Variants in ARHGEF4 observed in about 807,000 individuals in gnomAD.
ARHGEF4 encodes the protein APC-stimulated guanine nucleotide exchange factor 1.
In ARHGEF4, 119 loss-of-function variants were observed where a neutral mutation model predicts 162.0. The observed-to-expected ratio is 0.73, with a 90% CI of 0.63 to 0.86. The LOEUF is 0.86. Among genes scored for constraint, ARHGEF4 ranks in the 40% least tolerant of loss-of-function variants. ARHGEF4 has a pLI of 0.00. For synonymous variants in ARHGEF4, 1,014 were observed against 979.9 expected (o/e 1.03, Z -0.65); for missense variants, 2,488 against 2,456.0 (o/e 1.01, Z -0.28).
At chr2:130,946,878 G>A (rs971380891) in intron 4 of ARHGEF4, 34 of 386,982 alleles carry the variant, frequency 8.8e-5, no homozygotes, top group South Asian at 2.2e-4. Flanking sequence ...TGAAGCAGGC[G>A]GATCACTTGA....
Position 130,870,853 on chromosome 2 carries a change from C to T in ARHGEF4, c.39+33861C>T, listed in dbSNP as rs777749665. Among the ~76,000 whole-genome samples, 101 of 152,186 alleles carry T rather than the reference C, an allele frequency of 6.6e-4. 1 individual carries two copies. Among genetic ancestry groups the T allele is most frequent in the Non-Finnish European group, 4.1e-4 (28 of 67,990 alleles). On this transcript the variant is annotated intron_variant, in intron 1 of 13. Coordinates refer to ENST00000409359, the MANE Select transcript of ARHGEF4 (RefSeq NM_001367493.1). ...GCTTCCCAGGGGAGCTCGAAGCTGGCTGACTCTTGGCTAGGTGCAGGGTAG... is the reference window on the plus strand; with the variant it reads ...GCTTCCCAGGGGAGCTCGAAGCTGGTTGACTCTTGGCTAGGTGCAGGGTAG...
At chr2:131,005,860 T>G (rs1573590839) in intron 4 of ARHGEF4, among the ~76,000 whole-genome samples, 1 of 152,166 alleles carries the variant, frequency 6.6e-6, no homozygotes, top group South Asian at 2.1e-4. Context: ...CTCTGCCCAC[T>G]GGTTAGCCAG....
At chr2:130,869,571 G>A (rs143495474) in intron 1 of ARHGEF4, among the ~76,000 whole-genome samples, 4 of 152,338 alleles carry the variant, frequency 2.6e-5, no homozygotes, top group Non-Finnish European at 5.9e-5. Context: ...GTGATGGCAC[G>A]AGATGACTCA....
intron 4 of ARHGEF4, among the ~76,000 whole-genome samples, chr2:130,998,372 T>C (rs570527141): frequency 2.0e-5 from 3 of 152,336 alleles, no homozygotes; most frequent in Non-Finnish European, 2.9e-5. Context: ...TTTGTGTGTT[T>C]ATATCCTATG....
chr2:130,917,286 G>A lies in ARHGEF4; in HGVS notation c.3340G>A (p.Ala1114Thr). The A allele has an allele frequency of 9.7e-6, 15 of 1,550,524 alleles. No homozygotes were observed. Among genetic ancestry groups the A allele is most frequent in the Non-Finnish European group, 1.2e-5 (14 of 1,146,980 alleles). The change falls in exon 2 of 14, where the codon GCC becomes ACC. Residue 1114 changes from alanine (A) to threonine (T), a missense_variant. Around this residue, in one of 6 missense-constraint regions of ARHGEF4, gnomAD observed 1,642 missense variants for 1,481.5 expected, o/e 1.11. Transcript: ENST00000409359. ...TCTCCACTACCCCGGGAGGGGTAGC[G>A]CCATCTCCATGGTTTCTCTTGGAAG... is the stretch of plus-strand genomic sequence containing the variant. Reference protein sequence around the residue: ...MGLHYPGRGSAISMVSLGSYS... With the variant: ...MGLHYPGRGSTISMVSLGSYS...
rs1056537658 is a variant in ARHGEF4, at chr2:131,046,457, G to A, written c.*268G>A. On this transcript the variant is annotated 3_prime_UTR_variant, in exon 14 of 14. Transcript: ENST00000409359. ...TGGGCCCCATCCGCCCTCTGGACCTGTGTAGGGCCTCACTGCTGGAGCGGG... is the reference window on the plus strand; with the variant it reads ...TGGGCCCCATCCGCCCTCTGGACCTATGTAGGGCCTCACTGCTGGAGCGGG... 6 of 442,828 alleles carry A rather than the reference G, an allele frequency of 1.4e-5. No homozygotes were observed. Among genetic ancestry groups the A allele is most frequent in the East Asian group, 3.8e-5 (1 of 26,272 alleles). 27.4% of individuals were successfully genotyped at this position (442,828 alleles called of 1,614,324 possible).
At chr2:130,879,978 T>TTC (rs1679091564) in intron 1 of ARHGEF4, among the ~76,000 whole-genome samples, 1 of 152,190 alleles carries the variant, frequency 6.6e-6, no homozygotes, top group Non-Finnish European at 1.5e-5. Context: ...ATACCACGTT[T>TTC]TCTCTCTTTG....
intron 4 of ARHGEF4, among the ~76,000 whole-genome samples, chr2:130,954,154 A>G (rs1171957718): frequency 1.3e-5 from 2 of 152,264 alleles, no homozygotes; most frequent in Non-Finnish European, 2.9e-5. Flanking sequence ...GAACCGACCC[A>G]AATGTCTGTC....
chr2:131,001,664 T>G (rs1385813019), intron 4 of ARHGEF4, among the ~76,000 whole-genome samples: 1 of 152,126 alleles, frequency 6.6e-6, no homozygotes, highest in African/African-American at 2.4e-5. Flanking sequence ...AGATAAACTC[T>G]TCCATGTATG....
intron 4 of ARHGEF4, among the ~76,000 whole-genome samples, chr2:130,960,768 C>T (rs1345796280): frequency 1.3e-5 from 2 of 152,036 alleles, no homozygotes; most frequent in African/African-American, 4.8e-5. Flanking sequence ...CCCAGAGATC[C>T]CCAGCACCTT....
In ARHGEF4 at chr2:131,039,031, G is replaced by A. The variant is rs1016828829; in HGVS notation, c.4304G>A (p.Arg1435Gln). The change falls in exon 6 of 14, where the codon CGG (arginine) becomes CAG (glutamine). Residue 1435 changes from arginine to glutamine, a missense_variant and splice_region_variant. Transcript: ENST00000409359. Reference protein sequence around the residue: ...GEGWFPASFVRLRVNQDEPAD... With the variant: ...GEGWFPASFVQLRVNQDEPAD... Reference sequence around the variant, plus strand: ...GGCTGGTTTCCAGCCAGCTTCGTTCGGGTATGGTTCCAAGCCCCAGCTTCT... The same window carrying A: ...GGCTGGTTTCCAGCCAGCTTCGTTCAGGTATGGTTCCAAGCCCCAGCTTCT... 2.5e-6 allele frequency: 4 copies of A among 1,610,026 alleles called. No homozygotes were observed. The highest frequency in any genetic ancestry group is 2.7e-5 in the African/African-American group (2 of 74,872).
chr2:131,041,941 G>C lies in ARHGEF4; in HGVS notation c.5022G>C (p.Trp1674Cys). The change falls in exon 10 of 14, where the codon TGG becomes TGC. Residue 1674 changes from tryptophan (W) to cysteine (C), a missense_variant. This residue lies in a region of ARHGEF4 where 415 missense variants were observed against 512.4 expected (regional missense o/e 0.81). Coordinates refer to ENST00000409359, the MANE Select transcript of ARHGEF4 (RefSeq NM_001367493.1). ...AGTGGCAGAGCTCCATAGAGGACTG[G>C]GAGGTGAGGGCCTGGGGGCACAGAA... is the stretch of plus-strand genomic sequence containing the variant. ...IAQWQSSIED[W>C]EGEDLLVRSS... is the part of the protein sequence containing the mutation. 6.2e-7 allele frequency: 1 copy of C among 1,613,072 alleles called. No homozygotes were observed. The highest frequency in any genetic ancestry group is 8.5e-7 in the Non-Finnish European group (1 of 1,179,780).
Position 130,916,877 on chromosome 2 carries a change from A to C in ARHGEF4, c.2931A>C (p.Glu977Asp). Residue 977 changes from glutamate (E) to aspartate (D), a missense_variant, in exon 2 of 14, where the codon GAA (glutamate) becomes GAC (aspartate). Glu to Asp is a conservative substitution (Grantham distance 45). This residue lies in a region of ARHGEF4 where 1,642 missense variants were observed against 1,481.5 expected (regional missense o/e 1.11). Transcript: ENST00000409359. ...PTLVSLPLGP[E>D]VLSPAETDSH... ...TAGTGAGTCTGCCTCTAGGACCCGAAGTTCTCTCCCCAGCAGAGACCGACA... is the reference window on the plus strand; with the variant it reads ...TAGTGAGTCTGCCTCTAGGACCCGACGTTCTCTCCCCAGCAGAGACCGACA... 1 of 1,550,428 alleles carries C rather than the reference A, an allele frequency of 6.4e-7. No homozygotes were observed. The highest frequency in any genetic ancestry group is 8.7e-7 in the Non-Finnish European group (1 of 1,146,958).
At chr2:130,852,191 C>T (rs1018908298) in intron 1 of ARHGEF4, among the ~76,000 whole-genome samples, 22 of 152,186 alleles carry the variant, frequency 1.4e-4, no homozygotes, top group Non-Finnish European at 4.4e-5. Context: ...TCCCTTCTGA[C>T]GAGCTCATGG....
At chr2:130,923,836 A>T (rs1040492584) in intron 2 of ARHGEF4, among the ~76,000 whole-genome samples, 1 of 151,622 alleles carries the variant, frequency 6.6e-6, no homozygotes, top group South Asian at 2.1e-4. Context: ...TGCCATCGCC[A>T]TTGGTGCCTG....
chr2:130,915,370 G>C lies in ARHGEF4; in HGVS notation c.1424G>C (p.Gly475Ala). ...SPESRTQEPQGTQLAPRAADE... is the reference protein window; with the variant it reads ...SPESRTQEPQATQLAPRAADE... Reference sequence around the variant, plus strand: ...GAAAGCAGAACCCAGGAACCCCAAGGCACCCAACTCGCACCAAGAGCTGCT... The same window carrying C: ...GAAAGCAGAACCCAGGAACCCCAAGCCACCCAACTCGCACCAAGAGCTGCT... Residue 475 changes from glycine to alanine, a missense_variant, in exon 2 of 14, where the codon GGC (glycine) becomes GCC (alanine). Physicochemically the swap from Gly to Ala is moderately conservative, Grantham distance 60. Around this residue, in one of 6 missense-constraint regions of ARHGEF4, gnomAD observed 1,642 missense variants for 1,481.5 expected, o/e 1.11. Transcript: ENST00000409359. 6.4e-7 allele frequency: 1 copy of C among 1,550,604 alleles called. No homozygotes were observed.
chr2:130,936,905 C>CTTTTTTTTTTTTTTTTTTTTTTTTTTT (rs36086542), intron 3 of ARHGEF4, among the ~76,000 whole-genome samples: 8 of 82,328 alleles, frequency 9.7e-5, no homozygotes, highest in African/African-American at 1.4e-4. Flanking sequence ...TTTCTTTTTT[C>CTTTTTTTTTTTTTTTTTTTTTTTTTTT]TTTTTTTTTT....
At chr2:130,901,523 C>CTT (rs113416794) in intron 1 of ARHGEF4, among the ~76,000 whole-genome samples, 3 of 144,480 alleles carry the variant, frequency 2.1e-5, no homozygotes, top group Non-Finnish European at 4.6e-5. Flanking sequence ...AGCCCATATT[C>CTT]TTTTTTTTTT....
At chr2:130,867,936 CTTTTTTTTTTT>C (rs1156618796) in intron 1 of ARHGEF4, among the ~76,000 whole-genome samples, 3 of 119,936 alleles carry the variant, frequency 2.5e-5, no homozygotes, top group Admixed American at 8.6e-5. Context: ...TTTTTTTTTT[CTTTTTTTTTTT>C]TTTTTGGAGA....
Sources: allele counts gnomAD v4.1 joint callset (sites outside exome capture counted in the v4.1 genomes callset), GRCh38; gene constraint gnomAD v4.1.1; regional missense constraint gnomAD v4.1.1; transcripts MANE v1.5; gene names NCBI Gene and HGNC (gene_info 2026-07-23, HGNC 2026-07-21).